Variants in DACH2 observed in about 807,000 individuals in gnomAD.
DACH2 encodes dachshund family transcription factor 2.
In DACH2, 17 loss-of-function variants were observed where a neutral mutation model predicts 35.8. The ratio of observed to expected loss-of-function variants is 0.48; its 90% CI spans 0.33 to 0.71. The LOEUF is 0.71. Among genes scored for constraint, DACH2 ranks in the 30% least tolerant of loss-of-function variants. The pLI is 0.02. For missense variants in DACH2, 469 were observed against 472.7 expected (o/e 0.99, Z 0.07); for synonymous variants, 195 against 177.3 (o/e 1.10, Z -0.79).
rs1366714701 is a variant in DACH2 at position 86,293,783 on chromosome X, C to T, written c.489-83041C>T. ...CTCTTCTGGCTTGTAGAGTTTCTGC[C>T]GAGAGATCAGCTGTTAGTCTGATGG... On this transcript the variant is annotated intron_variant, in intron 1 of 11. Transcript: ENST00000373125. 2.1e-3 allele frequency among the ~76,000 whole-genome samples: 238 copies of T among 111,455 alleles called. 1 individual carries two copies. Among genetic ancestry groups the T allele is most frequent in the South Asian group, 6.5e-3 (17 of 2,602 alleles).
intron 7 of DACH2, among the ~76,000 whole-genome samples, chrX:86,754,588 C>A (rs1055438744): frequency 1.8e-5 from 2 of 110,969 alleles, no homozygotes; most frequent in Admixed American, 1.9e-4. Flanking sequence ...CACCCTAACA[C>A]CCTTCTCAGC....
intron 3 of DACH2, among the ~76,000 whole-genome samples, chrX:86,527,787 C>T (rs1401938950): frequency 9.0e-6 from 1 of 111,650 alleles, no homozygotes; most frequent in Non-Finnish European, 1.9e-5. Context: ...CTTCCCAAGT[C>T]GTGTCATTTT....
chrX:86,150,645 T>A (rs2030332145), intron 1 of DACH2, among the ~76,000 whole-genome samples: 1 of 111,999 alleles, frequency 8.9e-6, no homozygotes. Context: ...CAGCTTTTCT[T>A]AAGGAAGATA....
At chrX:86,822,627 T>C (rs1046213348) in intron 11 of DACH2, among the ~76,000 whole-genome samples, 1 of 111,994 alleles carries the variant, frequency 8.9e-6, no homozygotes, top group Non-Finnish European at 1.9e-5. Context: ...AGTTAGGATA[T>C]GTAACAAGAC....
At position 86,546,855 on chromosome X, in the gene DACH2, T is replaced by C. The variant is rs188421800; in HGVS notation, c.640+32464T>C. Among the ~76,000 whole-genome samples, 7 of 110,288 alleles carry C rather than the reference T, an allele frequency of 6.3e-5. No individual in the cohort carries two copies. The East Asian group carries it at 2.0e-3, about 32-fold the overall frequency. On this transcript the variant is annotated intron_variant, in intron 3 of 11. Coordinates refer to ENST00000373125, the MANE Select transcript of DACH2 (RefSeq NM_053281.3). ...ACTGGATCATGGGGCAGATGCCTCG[T>C]ATTTTCAAACTACTGTTTGAAAATA...
chrX:86,218,297 TAATA>T lies in DACH2; in HGVS notation c.488+69194_488+69197del, dbSNP rs2032623525. On this transcript the variant is annotated intron_variant, in intron 1 of 11. Transcript: ENST00000373125. ...TGATAATTTTATTTAAAAGGCTTAT[TAATA>T]AATATTTTCCATGTTATACAAGTGT... 5.3e-5 allele frequency among the ~76,000 whole-genome samples: 6 copies of T among 112,339 alleles called. 1 individual carries two copies. The South Asian group carries it at 2.2e-3, about 41-fold the overall frequency.
At position 86,459,955 on chromosome X, in the gene DACH2, C is replaced by T. The variant is rs183322001; in HGVS notation, c.528-54324C>T. Among the ~76,000 whole-genome samples, 3 of 110,860 alleles carry T rather than the reference C, an allele frequency of 2.7e-5. No individual in the cohort carries two copies. In the East Asian group the frequency reaches 8.5e-4, roughly 31 times the overall value. On this transcript the variant is annotated intron_variant, in intron 2 of 11. Transcript: ENST00000373125. ...TGATTTTCAAAATGTGTTTCCACAA[C>T]TAAATTGCTAATAAAGACTTAATTT... is the stretch of plus-strand genomic sequence containing the variant.
At chrX:86,582,574 C>A (rs1341653248) in intron 3 of DACH2, among the ~76,000 whole-genome samples, 2 of 110,539 alleles carry the variant, frequency 1.8e-5, no homozygotes, top group Non-Finnish European at 3.8e-5. Flanking sequence ...TCAGATACTA[C>A]TATGAGCATC....
chrX:86,652,903 T>C (rs1475570207), intron 4 of DACH2, among the ~76,000 whole-genome samples: 1 of 112,189 alleles, frequency 8.9e-6, no homozygotes, highest in East Asian at 2.8e-4. Flanking sequence ...CTGTTGATAG[T>C]TTCTTTTGCT....
intron 2 of DACH2, among the ~76,000 whole-genome samples, chrX:86,435,698 C>T (rs960426048): frequency 2.7e-5 from 3 of 111,815 alleles, no homozygotes; most frequent in Non-Finnish European, 3.8e-5. Context: ...AGCCTACCAT[C>T]TTGTAGCATT....
intron 2 of DACH2, among the ~76,000 whole-genome samples, chrX:86,396,199 T>G (rs749514563): frequency 0.074 from 8,138 of 110,281 alleles, 487 homozygotes; most frequent in Admixed American, 0.26. Flanking sequence ...TTGAGAAGTG[T>G]CTGTTCATGT....
chrX:86,168,817 C>A (rs868278369), intron 1 of DACH2, among the ~76,000 whole-genome samples: 1 of 108,484 alleles, frequency 9.2e-6, no homozygotes, highest in Admixed American at 9.9e-5. Context: ...TGCTTTTTAA[C>A]CTTTTGTTTT....
At chrX:86,172,225 T>A (rs1296591178) in intron 1 of DACH2, among the ~76,000 whole-genome samples, 1 of 112,437 alleles carries the variant, frequency 8.9e-6, no homozygotes, top group Admixed American at 9.4e-5. Flanking sequence ...ATCTGATCCT[T>A]AGAAGTGTCT....
intron 2 of DACH2, among the ~76,000 whole-genome samples, chrX:86,475,451 G>A (rs757420839): frequency 9.3e-4 from 104 of 111,248 alleles, no homozygotes; most frequent in African/African-American, 3.2e-3. Flanking sequence ...TATGGCTATT[G>A]TAAACAGGAT....
chrX:86,436,062 C>T (rs902352903), intron 2 of DACH2, among the ~76,000 whole-genome samples: 5 of 110,801 alleles, frequency 4.5e-5, no homozygotes, highest in Non-Finnish European at 9.5e-5. Context: ...TCTGTAATTT[C>T]TGAGGGAGAT....
At chrX:86,682,529 G>A (rs1030259186) in intron 4 of DACH2, among the ~76,000 whole-genome samples, 3 of 111,982 alleles carry the variant, frequency 2.7e-5, no homozygotes, top group African/African-American at 9.7e-5. Flanking sequence ...CACAGTGTGT[G>A]TTCAGTGAAT....
chrX:86,531,724 C>T (rs1265172816), intron 3 of DACH2, among the ~76,000 whole-genome samples: 1 of 112,474 alleles, frequency 8.9e-6, no homozygotes, highest in African/African-American at 3.2e-5. Context: ...GAATTGGGAC[C>T]CCCACACAGC....
At chrX:86,756,239 C>T (rs953904293) in intron 7 of DACH2, among the ~76,000 whole-genome samples, 6 of 111,257 alleles carry the variant, frequency 5.4e-5, no homozygotes, top group African/African-American at 1.3e-4. Flanking sequence ...TGATTCCATA[C>T]GAATTTTAGA....
intron 4 of DACH2, among the ~76,000 whole-genome samples, chrX:86,654,184 T>G (rs2040511824): frequency 1.8e-5 from 1 of 56,141 alleles, no homozygotes; most frequent in Admixed American, 2.2e-4. Context: ...CAAACATTTT[T>G]AGTAAAAAAA....
Sources: allele counts gnomAD v4.1 joint callset (sites outside exome capture counted in the v4.1 genomes callset), GRCh38; gene constraint gnomAD v4.1.1; transcripts MANE v1.5; gene names NCBI Gene and HGNC (gene_info 2026-07-23, HGNC 2026-07-21).